USP32: variants seen among roughly 807,000 people sequenced by gnomAD.
USP32 encodes the protein ubiquitin specific peptidase 32, also known as ubiquitin carboxyl-terminal hydrolase 32.
In USP32, 59 loss-of-function variants were observed where a neutral mutation model predicts 204.8. That is an observed-to-expected ratio of 0.29 (90% CI 0.23 to 0.36). The LOEUF is 0.36. USP32 is among the 10% of genes least tolerant of loss of function. The probability of loss-of-function intolerance (pLI) is 1.00; values close to 1 mark genes in which losing one functional copy is unlikely to be tolerated. For missense variants in USP32, 1,160 were observed against 1,946.4 expected (o/e 0.60, Z 7.60); for synonymous variants, 517 against 678.4 (o/e 0.76, Z 3.70).
chr17:60,419,037 T>C (rs1225928600), intron 1 of USP32, among the ~76,000 whole-genome samples: 1 of 152,200 alleles, frequency 6.6e-6, no homozygotes, highest in Non-Finnish European at 1.5e-5. Context: ...GGAATATAAA[T>C]CATTCTACCA....
At chr17:60,287,871 CG>C (rs1307893281) in intron 5 of USP32, among the ~76,000 whole-genome samples, 3 of 151,724 alleles carry the variant, frequency 2.0e-5, no homozygotes, top group Non-Finnish European at 4.4e-5. Context: ...TCCAGCACTT[CG>C]GGAGGCCGAG....
intron 21 of USP32, among the ~76,000 whole-genome samples, chr17:60,210,300 TCATC>T (rs1280025205): frequency 1.3e-5 from 2 of 152,094 alleles, no homozygotes; most frequent in Admixed American, 1.3e-4. Flanking sequence ...TTTCATTCAT[TCATC>T]CTTCTACTTT....
intron 5 of USP32, among the ~76,000 whole-genome samples, chr17:60,273,026 T>C (rs2086759248): frequency 6.6e-6 from 1 of 152,206 alleles, no homozygotes. Context: ...TGGAGTGCAG[T>C]GGCGTGATCT....
At chr17:60,273,337 C>G (rs2086766622) in intron 5 of USP32, among the ~76,000 whole-genome samples, 1 of 152,130 alleles carries the variant, frequency 6.6e-6, no homozygotes, top group Non-Finnish European at 1.5e-5. Flanking sequence ...TGGGAGATGT[C>G]TGAGTTGTGA....
At chr17:60,204,448 T>A (rs1340035483) in intron 26 of USP32, among the ~76,000 whole-genome samples, 2 of 151,404 alleles carry the variant, frequency 1.3e-5, no homozygotes, top group African/African-American at 4.9e-5. Flanking sequence ...CTCCTAAACA[T>A]GCCTGGCTTA....
chr17:60,218,755 C>T (rs765233477), intron 16 of USP32, among the ~76,000 whole-genome samples: 2 of 152,118 alleles, frequency 1.3e-5, no homozygotes, highest in East Asian at 3.9e-4. Context: ...AGCACCACCA[C>T]GCCCAGCTAA....
intron 5 of USP32, among the ~76,000 whole-genome samples, chr17:60,276,524 A>C (rs1184303921): frequency 6.6e-6 from 1 of 152,176 alleles, no homozygotes. Context: ...ATACAAAAAA[A>C]TCTAACCCTG....
intron 9 of USP32, chr17:60,258,075 A>G (rs2086360662): frequency 6.3e-6 from 1 of 158,588 alleles, no homozygotes; most frequent in African/African-American, 2.4e-5. Flanking sequence ...GAAGATGGAG[A>G]TCAAGACAGA....
chr17:60,184,411 C>T lies in USP32; in HGVS notation c.3835-958G>A, dbSNP rs184972974. On this transcript the variant is annotated intron_variant, in intron 30 of 33. Coordinates refer to ENST00000300896, the MANE Select transcript of USP32 (RefSeq NM_032582.4). ...TCCTATCTGTGGAGCTAGCTAACAA[C>T]CAATGTTATTAATTTCTTGTGCATC... is the stretch of plus-strand genomic sequence containing the variant. Among the ~76,000 whole-genome samples, 8 of 152,054 alleles carry T rather than the reference C, an allele frequency of 5.3e-5. No individual in the cohort carries two copies. The East Asian group carries it at 1.2e-3, about 22-fold the overall frequency.
At chr17:60,275,872 T>C (rs541291512) in intron 5 of USP32, among the ~76,000 whole-genome samples, 2 of 151,274 alleles carry the variant, frequency 1.3e-5, no homozygotes, top group Non-Finnish European at 2.9e-5. Flanking sequence ...CCACCATGCC[T>C]GGCTAATTTT....
intron 1 of USP32, among the ~76,000 whole-genome samples, chr17:60,380,722 A>G (rs929580355): frequency 2.0e-5 from 3 of 152,216 alleles, no homozygotes; most frequent in African/African-American, 7.2e-5. Context: ...AATTGCATGG[A>G]ATTTTGACAT....
At chr17:60,296,429 C>CG (rs1470384444) in intron 3 of USP32, among the ~76,000 whole-genome samples, 21 of 152,208 alleles carry the variant, frequency 1.4e-4, no homozygotes, top group South Asian at 8.3e-4. Context: ...GGGATTAGAA[C>CG]GATATAGCTG....
intron 3 of USP32, among the ~76,000 whole-genome samples, chr17:60,300,830 T>C (rs2087555989): frequency 6.6e-6 from 1 of 152,192 alleles, no homozygotes; most frequent in African/African-American, 2.4e-5. Context: ...CTGTACCCAT[T>C]AGCAGTTGTT....
At chr17:60,283,286 G>A (rs144658472) in intron 5 of USP32, among the ~76,000 whole-genome samples, 86 of 152,314 alleles carry the variant, frequency 5.6e-4, no homozygotes, top group African/African-American at 1.8e-3. Context: ...AAGAACACAC[G>A]TGAGGAGAAA....
intron 1 of USP32, among the ~76,000 whole-genome samples, chr17:60,419,544 A>G (rs1202633930): frequency 6.6e-6 from 1 of 152,030 alleles, no homozygotes; most frequent in East Asian, 1.9e-4. Context: ...CATCCTGGCT[A>G]ACACAGTGAA....
chr17:60,179,518 T>C, intron 33 of USP32, 90 bp from the exon 34 acceptor site: 1 of 1,506,334 alleles, frequency 6.6e-7, no homozygotes, highest in African/African-American at 1.4e-5. Context: ...CCCTCTGTAA[T>C]TACTAAACCT....
At chr17:60,390,761 C>G (rs1413179660) in intron 1 of USP32, among the ~76,000 whole-genome samples, 2 of 152,140 alleles carry the variant, frequency 1.3e-5, no homozygotes, top group Admixed American at 6.5e-5. Context: ...CTACTAAAAC[C>G]ACCTGGAGCA....
In USP32 at chr17:60,336,232, ACT is replaced by A. The variant is rs1158119683; in HGVS notation, c.186+9247_186+9248del. On this transcript the variant is annotated intron_variant, in intron 2 of 33. Coordinates refer to ENST00000300896, the MANE Select transcript of USP32 (RefSeq NM_032582.4). ...CTATATGTTAGATCTTCTATTGTGA[ACT>A]CTGTTTTTCAATAGCTTATGAAGCT... Among the ~76,000 whole-genome samples the A allele has an allele frequency of 6.3e-5, 9 of 142,634 alleles. 2 individuals carry two copies. Among genetic ancestry groups the A allele is most frequent in the African/African-American group, 2.4e-4 (8 of 33,252 alleles). 93.6% of individuals were successfully genotyped at this position (142,634 alleles called of 152,430 possible).
At chr17:60,402,563 T>C (rs932091977) in intron 1 of USP32, among the ~76,000 whole-genome samples, 1 of 152,132 alleles carries the variant, frequency 6.6e-6, no homozygotes, top group African/African-American at 2.4e-5. Flanking sequence ...TGATCAGTTA[T>C]TCTTCTGAAA....
Sources: gnomAD v4.1 joint callset for allele counts (sites outside exome capture counted in the v4.1 genomes callset) on GRCh38, gnomAD v4.1.1 for gene constraint, MANE v1.5 for transcripts, NCBI Gene and HGNC (gene_info 2026-07-23, HGNC 2026-07-21) for gene names.